The following DNAH17 variants were observed in gnomAD, a reference collection of about 807,000 sequenced individuals.
DNAH17 encodes the protein dynein axonemal heavy chain 17, also known as axonemal beta dynein heavy chain 17.
A neutral mutation model predicts 485.6 loss-of-function variants in DNAH17; 376 were observed. The observed-to-expected ratio is 0.77, with a 90% CI of 0.71 to 0.84. The LOEUF is 0.84. Among genes scored for constraint, DNAH17 ranks in the 40% least tolerant of loss-of-function variants. The probability of loss-of-function intolerance (pLI) is 0.00; values close to 1 mark genes in which losing one functional copy is unlikely to be tolerated. For synonymous variants in DNAH17, 3,031 were observed against 2,405.9 expected (o/e 1.26, Z -7.60); for missense variants, 6,370 against 5,839.3 (o/e 1.09, Z -2.96).
intron 57 of DNAH17, 130 bp downstream of exon 57, chr17:78,462,714 G>A: frequency 3.7e-6 from 3 of 815,144 alleles, no homozygotes; most frequent in Middle Eastern, 3.6e-4. Context: ...AAGGCAGGAA[G>A]CGTGCTCATC....
chr17:78,461,473 C>T, intron 58 of DNAH17, 71 bp downstream of exon 58: 1 of 1,411,898 alleles, frequency 7.1e-7, no homozygotes, highest in Non-Finnish European at 9.3e-7. Context: ...CACCTGACCA[C>T]ACGTGGAAGC....
intron 18 of DNAH17, among the ~76,000 whole-genome samples, chr17:78,539,435 T>G (rs1164601932): frequency 6.6e-6 from 1 of 152,096 alleles, no homozygotes; most frequent in African/African-American, 2.4e-5. Flanking sequence ...GGGGCAGTGG[T>G]GTCCACTTTC....
At chr17:78,478,412 A>G (rs1054430785) in intron 51 of DNAH17, among the ~76,000 whole-genome samples, 11 of 151,052 alleles carry the variant, frequency 7.3e-5, no homozygotes, top group Non-Finnish European at 1.5e-4. Context: ...CATCACTACC[A>G]CTATCACCAT....
In DNAH17 at chr17:78,574,947, C is replaced by T. The variant is rs376803967; in HGVS notation, c.111G>A (p.Val37=). 3.7e-6 allele frequency: 6 copies of T among 1,613,996 alleles called. No individual in the cohort carries two copies. In the South Asian group the frequency reaches 6.6e-5, roughly 18 times the overall value. ...TTTCAAAGAACTCTGTGAACAGGGC[C>T]ACGTTCTCCTCGGCGCCTATCAGCT... is the stretch of plus-strand genomic sequence containing the variant. ...WSKLIGAEEN[V]ALFTEFFEKP... The change falls in exon 2 of 81, where the codon GTG becomes GTA. Residue 37 remains valine, a synonymous_variant. Coordinates refer to ENST00000389840, the MANE Select transcript of DNAH17 (RefSeq NM_173628.4).
chr17:78,454,118 G>A (rs1471804831), intron 64 of DNAH17, among the ~76,000 whole-genome samples: 2 of 152,120 alleles, frequency 1.3e-5, no homozygotes, highest in Non-Finnish European at 2.9e-5. Context: ...TACCTGTGTC[G>A]TTATAGCCAT....
intron 17 of DNAH17, 36 bp downstream of exon 17, chr17:78,543,821 G>T: frequency 6.2e-7 from 1 of 1,613,848 alleles, no homozygotes; most frequent in East Asian, 2.2e-5. Context: ...CTAAAAGCAA[G>T]TGGGTTCTCA....
At chr17:78,481,613 G>A (rs771731410) in intron 48 of DNAH17, among the ~76,000 whole-genome samples, 2 of 152,120 alleles carry the variant, frequency 1.3e-5, no homozygotes, top group African/African-American at 4.8e-5. Flanking sequence ...GATAAAATGA[G>A]CTAACATATG....
At chr17:78,430,483 T>C (rs2086635104) in intron 75 of DNAH17, among the ~76,000 whole-genome samples, 2 of 152,198 alleles carry the variant, frequency 1.3e-5, no homozygotes, top group African/African-American at 4.8e-5. Flanking sequence ...CCGGAAGAGC[T>C]GTCATCAAAT....
chr17:78,478,359 TCACCACCACCATCACTGC>T (rs973077686), intron 51 of DNAH17, among the ~76,000 whole-genome samples: 7 of 139,124 alleles, frequency 5.0e-5, no homozygotes, highest in African/African-American at 2.0e-4. Context: ...CACATCACCA[TCACCACCACCATCACTGC>T]CACCACTATT....
chr17:78,503,398 G>A (rs2090373644), intron 31 of DNAH17, among the ~76,000 whole-genome samples: 4 of 149,440 alleles, frequency 2.7e-5, no homozygotes, highest in Admixed American at 2.0e-4. Flanking sequence ...TGTTAGCCAG[G>A]ATGGTCTCGA....
At chr17:78,469,519 G>A (rs2088647806) in intron 54 of DNAH17, among the ~76,000 whole-genome samples, 1 of 152,194 alleles carries the variant, frequency 6.6e-6, no homozygotes, top group South Asian at 2.1e-4. Flanking sequence ...GGAGGCCAAG[G>A]TGGGAGGATC....
chr17:78,463,944 A>T (rs1332280069), intron 56 of DNAH17, among the ~76,000 whole-genome samples: 1 of 152,218 alleles, frequency 6.6e-6, no homozygotes, highest in Admixed American at 6.5e-5. Flanking sequence ...TAGAAACCCA[A>T]ATCTATGCTC....
At chr17:78,476,012 T>C (rs528251504) in intron 52 of DNAH17, among the ~76,000 whole-genome samples, 179 bp from the exon 53 acceptor site, 69 of 152,208 alleles carry the variant, frequency 4.5e-4, no homozygotes, top group Non-Finnish European at 5.3e-4. Context: ...GGGCAAAATT[T>C]CCTAGAGTGG....
In DNAH17 at chr17:78,505,334, C is replaced by T. The variant is rs768586788; in HGVS notation, c.4915G>A (p.Glu1639Lys). Residue 1639 changes from glutamate to lysine, a missense_variant, in exon 31 of 81, where the codon GAG becomes AAG. Physicochemically the swap from Glu to Lys is moderately conservative, Grantham distance 56. Transcript: ENST00000389840. ...VGLGMYSKED[E>K]YMVFDQECDL... is the part of the protein sequence containing the mutation. ...CATTCCTGATCAAAAACCATGTACT[C>T]GTCCTCCTTGCTGTACATTCCCAGG... The T allele has an allele frequency of 6.2e-7, 1 of 1,613,960 alleles. No individual in the cohort carries two copies. Among genetic ancestry groups the T allele is most frequent in the Non-Finnish European group, 8.5e-7 (1 of 1,179,890 alleles).
At chr17:78,569,298 C>T (rs2092315803) in intron 8 of DNAH17, 46 bp from the exon 9 acceptor site, 2 of 1,598,174 alleles carry the variant, frequency 1.3e-6, no homozygotes, top group East Asian at 4.5e-5. Flanking sequence ...CTTCAAATGT[C>T]CCAAGTTTAT....
At chr17:78,491,833 T>C (rs2089871437) in intron 42 of DNAH17, among the ~76,000 whole-genome samples, 1 of 152,220 alleles carries the variant, frequency 6.6e-6, no homozygotes, top group African/African-American at 2.4e-5. Flanking sequence ...TTTGTGGCCC[T>C]GGCTGGCTCA....
intron 77 of DNAH17, 86 bp from the exon 78 acceptor site, chr17:78,427,194 C>G: frequency 7.1e-7 from 1 of 1,405,916 alleles, no homozygotes; most frequent in Non-Finnish European, 9.8e-7. Context: ...CCAAAATGTT[C>G]CCAGCCCCAA....
chr17:78,459,647 C>A, intron 60 of DNAH17, 137 bp downstream of exon 60: 2 of 892,526 alleles, frequency 2.2e-6, no homozygotes, highest in East Asian at 5.3e-5. Context: ...TCTTGGGGTG[C>A]TGTATGGGGA....
At chr17:78,497,531 G>A (rs1240180583) in intron 37 of DNAH17, among the ~76,000 whole-genome samples, 2 of 152,228 alleles carry the variant, frequency 1.3e-5, no homozygotes, top group East Asian at 1.9e-4. Flanking sequence ...TAAATATTCT[G>A]GGGTTTGTTC....
Sources: allele counts gnomAD v4.1 joint callset (sites outside exome capture counted in the v4.1 genomes callset), GRCh38; gene constraint gnomAD v4.1.1; transcripts MANE v1.5; gene names NCBI Gene and HGNC (gene_info 2026-07-23, HGNC 2026-07-21).